Variants in SLC10A7 observed in about 807,000 individuals in gnomAD.
The protein encoded by SLC10A7 is solute carrier family 10 member 7.
Under a neutral mutation model 43.2 loss-of-function variants are expected in SLC10A7, and 29 were observed. The ratio of observed to expected loss-of-function variants is 0.67; its 90% CI spans 0.50 to 0.92. The LOEUF (loss-of-function observed/expected upper bound fraction) is 0.92. Ranked by LOEUF, SLC10A7 falls within the 40% of genes least tolerant of loss-of-function variation. The probability of loss-of-function intolerance (pLI) is 0.00; values close to 1 mark genes in which losing one functional copy is unlikely to be tolerated. For synonymous variants in SLC10A7, 152 were observed against 144.8 expected, an observed-to-expected ratio of 1.05 and a Z score of -0.35; for missense variants, 295 against 403.2, an observed-to-expected ratio of 0.73 and a Z score of 2.30.
chr4:146,432,031 A>C (rs1289705585), intron 5 of SLC10A7, among the ~76,000 whole-genome samples: 1 of 152,244 alleles, frequency 6.6e-6, no homozygotes, highest in Non-Finnish European at 1.5e-5. Flanking sequence ...AGCACATAAA[A>C]AATGTCCAAC....
At chr4:146,280,216 CTAT>C (rs1729460128) in intron 10 of SLC10A7, among the ~76,000 whole-genome samples, 1 of 152,028 alleles carries the variant, frequency 6.6e-6, no homozygotes, top group Non-Finnish European at 1.5e-5. Flanking sequence ...AGAAGAAATA[CTAT>C]GATAGTGACT....
chr4:146,484,039 T>G (rs988742789), intron 4 of SLC10A7, among the ~76,000 whole-genome samples: 6 of 152,112 alleles, frequency 3.9e-5, no homozygotes, highest in African/African-American at 1.4e-4. Context: ...ATAATGAACT[T>G]CAATACCCAC....
intron 5 of SLC10A7, among the ~76,000 whole-genome samples, chr4:146,419,905 G>A (rs1377167238): frequency 1.3e-5 from 2 of 151,904 alleles, no homozygotes; most frequent in Non-Finnish European, 2.9e-5. Context: ...AATCATTACT[G>A]TCTCTAAGTA....
At chr4:146,411,296 A>AC (rs1312769553) in intron 5 of SLC10A7, among the ~76,000 whole-genome samples, 1 of 152,204 alleles carries the variant, frequency 6.6e-6, no homozygotes, top group Non-Finnish European at 1.5e-5. Flanking sequence ...AGTCAGCCAG[A>AC]CTATGAGATG....
intron 5 of SLC10A7, among the ~76,000 whole-genome samples, chr4:146,371,588 G>C (rs1317975352): frequency 6.6e-6 from 1 of 152,176 alleles, no homozygotes; most frequent in Admixed American, 6.6e-5. Context: ...GCAGAACAAA[G>C]TGGCTAAGGA....
At chr4:146,414,227 G>A (rs750867674) in intron 5 of SLC10A7, among the ~76,000 whole-genome samples, 19 of 152,254 alleles carry the variant, frequency 1.2e-4, no homozygotes, top group East Asian at 3.9e-4. Flanking sequence ...TTGTGCTGAC[G>A]AAAGGAGATG....
At chr4:146,256,606 T>C (rs1560737725) in intron 11 of SLC10A7, 86 bp from the exon 12 acceptor site, 2 of 1,470,890 alleles carry the variant, frequency 1.4e-6, no homozygotes, top group East Asian at 4.5e-5. Context: ...ATTTATGCTA[T>C]TAGAAGGAAG....
chr4:146,256,252 T>G lies in SLC10A7; in HGVS notation c.*239A>C. On this transcript the variant is annotated 3_prime_UTR_variant, in exon 12 of 12. Transcript: ENST00000335472. ...TCACTTACCATGACTGATTCCTGCA[T>G]TAGGAAAGCAAAATTAACCCCCAAA... 1.9e-6 allele frequency: 1 copy of G among 537,026 alleles called. No homozygotes were observed. Among genetic ancestry groups the G allele is most frequent in the Admixed American group, 3.3e-5 (1 of 30,154 alleles). 33.3% of individuals were successfully genotyped at this position (537,026 alleles called of 1,614,324 possible).
At chr4:146,413,793 T>G (rs1728368378) in intron 5 of SLC10A7, among the ~76,000 whole-genome samples, 1 of 152,196 alleles carries the variant, frequency 6.6e-6, no homozygotes, top group South Asian at 2.1e-4. Flanking sequence ...GTTTACCTGA[T>G]GAGTTCCTAG....
intron 4 of SLC10A7, among the ~76,000 whole-genome samples, chr4:146,459,159 C>T (rs1217255746): frequency 6.6e-6 from 1 of 151,582 alleles, no homozygotes; most frequent in Non-Finnish European, 1.5e-5. Flanking sequence ...TACGTGTAGA[C>T]TGTGTATGCT....
At chr4:146,381,583 G>C (rs1737624993) in intron 5 of SLC10A7, among the ~76,000 whole-genome samples, 1 of 152,072 alleles carries the variant, frequency 6.6e-6, no homozygotes. Context: ...ATCTTCACTG[G>C]AGGCAAGGAA....
At chr4:146,330,994 G>C (rs1410572872) in intron 5 of SLC10A7, among the ~76,000 whole-genome samples, 1 of 152,104 alleles carries the variant, frequency 6.6e-6, no homozygotes, top group Non-Finnish European at 1.5e-5. Context: ...CTCCTGAATG[G>C]TGTAAATAAA....
chr4:146,269,254 C>T (rs1424427082), intron 10 of SLC10A7, among the ~76,000 whole-genome samples: 1 of 152,212 alleles, frequency 6.6e-6, no homozygotes, highest in Admixed American at 6.5e-5. Context: ...TTTAACTCTA[C>T]CAATTGAAGG....
chr4:146,280,181 C>A (rs575494378), intron 10 of SLC10A7, among the ~76,000 whole-genome samples: 2 of 152,070 alleles, frequency 1.3e-5, no homozygotes, highest in African/African-American at 4.8e-5. Context: ...TGTGTATACA[C>A]ATATATACAC....
intron 5 of SLC10A7, among the ~76,000 whole-genome samples, chr4:146,401,491 A>T (rs150426871): frequency 2.7e-4 from 41 of 152,298 alleles, no homozygotes; most frequent in African/African-American, 8.4e-4. Flanking sequence ...CTGCATAACC[A>T]CACTGGTGAG....
rs752668785 is a variant in SLC10A7, at chr4:146,510,015, T to C, written c.218A>G (p.His73Arg). 6.2e-7 allele frequency: 1 copy of C among 1,613,158 alleles called. No individual in the cohort carries two copies. Among genetic ancestry groups the C allele is most frequent in the Non-Finnish European group, 8.5e-7 (1 of 1,179,548 alleles). ...LTSALVHLKL[H>R]LFIQIFTLAF... ...AAGAGTAAAGATCTGAATAAAAAGA[T>C]GCAGTTTTAGATGCACCAAAGCACT... The change falls in exon 3 of 12, where the codon CAT (histidine) becomes CGT (arginine). Residue 73 changes from histidine (H) to arginine (R), a missense_variant. Around this residue, in one of 2 missense-constraint regions of SLC10A7, gnomAD observed 242 missense variants for 362.5 expected, o/e 0.67. Transcript: ENST00000335472.
chr4:146,372,415 C>A (rs1463613250), intron 5 of SLC10A7, among the ~76,000 whole-genome samples: 3 of 146,406 alleles, frequency 2.0e-5, no homozygotes, highest in Non-Finnish European at 4.4e-5. Context: ...AATTGCACCA[C>A]TGAACTCCAG....
chr4:146,461,722 T>A lies in SLC10A7; in HGVS notation c.397-18901A>T, dbSNP rs919880769. 2.0e-5 allele frequency among the ~76,000 whole-genome samples: 3 copies of A among 146,660 alleles called. No individual in the cohort carries two copies. The Admixed American group carries it at 2.1e-4, about 10-fold the overall frequency. ...CTAGGTTGCTAAATATAACTGCCCA[T>A]CCTGCAGAATTTAAGTAAGTCAGTG... On this transcript the variant is annotated intron_variant, in intron 4 of 11. Transcript: ENST00000335472.
rs1205484475 is a variant in SLC10A7 at position 146,256,342 on chromosome 4, A to G, written c.*149T>C. On this transcript the variant is annotated 3_prime_UTR_variant, in exon 12 of 12. Transcript: ENST00000335472. Reference sequence around the variant, plus strand: ...TGGAAATAACGCTCTTGTCAAATACATTTTAAGGCACTTAAACAGGATCTC... The same window carrying G: ...TGGAAATAACGCTCTTGTCAAATACGTTTTAAGGCACTTAAACAGGATCTC... The G allele has an allele frequency of 1.4e-6, 1 of 707,722 alleles. No individual in the cohort carries two copies. Among genetic ancestry groups the G allele is most frequent in the Non-Finnish European group, 2.4e-6 (1 of 416,810 alleles). The allele number at this position is 707,722 out of a possible 1,614,324, so 43.8% of individuals were successfully genotyped here.
Sources: gnomAD v4.1 joint callset for allele counts (sites outside exome capture counted in the v4.1 genomes callset) on GRCh38, gnomAD v4.1.1 for gene constraint, gnomAD v4.1.1 regional missense constraint, MANE v1.5 for transcripts, NCBI Gene and HGNC (gene_info 2026-07-23, HGNC 2026-07-21) for gene names.